Variants in USP46 observed in about 807,000 individuals in gnomAD.
USP46 encodes the protein ubiquitin specific peptidase 46, also known as ubiquitin carboxyl-terminal hydrolase 46.
In USP46, 12 loss-of-function variants were observed where a neutral mutation model predicts 44.4. The observed-to-expected ratio is 0.27, with a 90% CI of 0.17 to 0.44. USP46 has a LOEUF of 0.44. Ranked by LOEUF, USP46 falls within the 20% of genes least tolerant of loss-of-function variation. The pLI, the probability that USP46 is intolerant of heterozygous loss-of-function variation, is 1.00. For synonymous variants in USP46, 155 were observed against 161.5 expected (o/e 0.96, Z 0.31); for missense variants, 248 against 444.8 (o/e 0.56, Z 3.98).
intron 1 of USP46, among the ~76,000 whole-genome samples, chr4:52,655,047 T>C (rs1276160410): frequency 6.6e-6 from 1 of 152,222 alleles, no homozygotes; most frequent in African/African-American, 2.4e-5. Context: ...CTAACTCACA[T>C]TGACTACAAT....
At position 52,592,219 on chromosome 4, in the gene USP46, G is replaced by C. The variant is rs1296953013; in HGVS notation, c.*5421C>G. 6.6e-6 allele frequency: 1 copy of C among 152,158 alleles called. No homozygotes were observed. The highest frequency in any genetic ancestry group is 6.5e-5 in the Admixed American group (1 of 15,274). 9.4% of individuals were successfully genotyped at this position (152,158 alleles called of 1,614,324 possible). ...AGTCCATAAGAGGGACCCAATCTGT[G>C]TCACCTTTTTATCCCCCAGCTCCTA... On this transcript the variant is annotated 3_prime_UTR_variant, in exon 9 of 9. Coordinates refer to ENST00000441222, the MANE Select transcript of USP46 (RefSeq NM_022832.4).
rs1388479464 is a variant in USP46 at position 52,626,374 on chromosome 4, G to A, written c.332-127C>T. ...AGTCTCGCTGTGTCGCCAGGCTAGA[G>A]CGTAGTGGCATGATCTCAGTTCACT... On this transcript the variant is annotated intron_variant, in intron 3 of 8. Transcript: ENST00000441222. The A allele has an allele frequency of 3.9e-6, 3 of 765,776 alleles. No homozygotes were observed. The East Asian group carries it at 8.2e-5, about 21-fold the overall frequency. 47.4% of individuals were successfully genotyped at this position (765,776 alleles called of 1,614,324 possible). A position where few individuals can be genotyped will look rare whatever the true frequency, so the allele number is the denominator to read the frequency against.
intron 1 of USP46, among the ~76,000 whole-genome samples, chr4:52,653,622 T>C (rs1324889132): frequency 1.3e-5 from 2 of 152,122 alleles, no homozygotes; most frequent in African/African-American, 4.8e-5. Flanking sequence ...GAAGGTTTGT[T>C]ATAAGAAGCT....
intron 6 of USP46, among the ~76,000 whole-genome samples, chr4:52,603,030 T>C (rs1238060240): frequency 6.6e-6 from 1 of 152,208 alleles, no homozygotes; most frequent in Non-Finnish European, 1.5e-5. Context: ...TTTTAATGCA[T>C]AGTATGTGAA....
chr4:52,609,258 C>T (rs528211024), intron 5 of USP46, among the ~76,000 whole-genome samples: 1 of 152,288 alleles, frequency 6.6e-6, no homozygotes, highest in Admixed American at 6.5e-5. Flanking sequence ...AAGAAGGTGG[C>T]AGAGATCTTA....
At position 52,651,596 on chromosome 4, in the gene USP46, T is replaced by C. The variant is rs903337067; in HGVS notation, c.36+7519A>G. Among the ~76,000 whole-genome samples the C allele has an allele frequency of 2.6e-5, 4 of 152,340 alleles. No individual in the cohort carries two copies. In the South Asian group the frequency reaches 8.3e-4, roughly 32 times the overall value. On this transcript the variant is annotated intron_variant, in intron 1 of 8. Transcript: ENST00000441222. ...TTCAAGCAGATCCAGATAAAAATTT[T>C]CCTGCACTGTGTACCTAACCTGAAG...
intron 1 of USP46, among the ~76,000 whole-genome samples, chr4:52,641,526 G>A (rs993343729): frequency 6.6e-6 from 1 of 152,186 alleles, no homozygotes; most frequent in African/African-American, 2.4e-5. Context: ...AGGAAAACAA[G>A]TTAGAATTTC....
At chr4:52,624,156 A>C (rs1298352529) in intron 4 of USP46, among the ~76,000 whole-genome samples, 1 of 152,096 alleles carries the variant, frequency 6.6e-6, no homozygotes, top group South Asian at 2.1e-4. Context: ...ACAATCACTG[A>C]TCCTGAATAA....
At chr4:52,602,460 T>C (rs903989902) in intron 6 of USP46, among the ~76,000 whole-genome samples, 2 of 152,218 alleles carry the variant, frequency 1.3e-5, no homozygotes, top group Middle Eastern at 3.2e-3. Flanking sequence ...AGGTAGATGA[T>C]GCCGACTGCT....
intron 1 of USP46, among the ~76,000 whole-genome samples, chr4:52,650,212 A>G (rs1188813712): frequency 1.3e-5 from 2 of 152,246 alleles, no homozygotes; most frequent in Non-Finnish European, 2.9e-5. Context: ...CTGCCCCTAA[A>G]TAAGAGAATG....
chr4:52,595,166 T>C lies in USP46; in HGVS notation c.*2474A>G, dbSNP rs1403303165. Reference sequence around the variant, plus strand: ...CCATTGGAGGGAATACTGCAGAGCCTTTGGGCTATCGCTGACCTCAGAATG... The same window carrying C: ...CCATTGGAGGGAATACTGCAGAGCCCTTGGGCTATCGCTGACCTCAGAATG... On this transcript the variant is annotated 3_prime_UTR_variant, in exon 9 of 9. Coordinates refer to ENST00000441222, the MANE Select transcript of USP46 (RefSeq NM_022832.4). 2.0e-5 allele frequency: 3 copies of C among 152,622 alleles called. No homozygotes were observed. Among genetic ancestry groups the C allele is most frequent in the African/African-American group, 4.8e-5 (2 of 41,464 alleles). 9.5% of individuals were successfully genotyped at this position (152,622 alleles called of 1,614,324 possible). A position where few individuals can be genotyped will look rare whatever the true frequency, so the allele number is the denominator to read the frequency against.
chr4:52,598,349 G>A (rs547264793), intron 8 of USP46, among the ~76,000 whole-genome samples: 4 of 152,274 alleles, frequency 2.6e-5, no homozygotes, highest in African/African-American at 9.6e-5. Context: ...TAAGAAACAA[G>A]ACTTAGACTG....
intron 5 of USP46, among the ~76,000 whole-genome samples, chr4:52,606,591 C>T (rs555839261): frequency 3.3e-5 from 5 of 152,224 alleles, no homozygotes; most frequent in South Asian, 2.1e-4. Flanking sequence ...CAATTATCTC[C>T]GCCTGGCCCC....
At chr4:52,615,865 T>G (rs1005823615) in intron 4 of USP46, among the ~76,000 whole-genome samples, 3 of 152,176 alleles carry the variant, frequency 2.0e-5, no homozygotes, top group Non-Finnish European at 4.4e-5. Context: ...GGCACGTAAA[T>G]TATACCTCAC....
intron 6 of USP46, 43 bp from the exon 7 acceptor site, chr4:52,602,097 A>G (rs1553888762): frequency 4.4e-6 from 7 of 1,577,476 alleles, no homozygotes; most frequent in South Asian, 2.4e-5. Flanking sequence ...CCCAACACCT[A>G]TTAGGGGAAG....
intron 8 of USP46, 115 bp from the exon 9 acceptor site, chr4:52,597,856 C>T: frequency 1.3e-6 from 1 of 774,654 alleles, no homozygotes; most frequent in Non-Finnish European, 2.0e-6. Context: ...GTTATGAAAT[C>T]ATCATTAGGA....
At chr4:52,611,682 T>C (rs1577666504) in intron 4 of USP46, among the ~76,000 whole-genome samples, 1 of 151,232 alleles carries the variant, frequency 6.6e-6, no homozygotes, top group East Asian at 1.9e-4. Context: ...AGGTCAGGAG[T>C]TCAAGACCAG....
intron 1 of USP46, among the ~76,000 whole-genome samples, 170 bp downstream of exon 1, chr4:52,658,945 G>C (rs1319028771): frequency 6.6e-6 from 1 of 151,670 alleles, no homozygotes; most frequent in African/African-American, 2.4e-5. Context: ...ACCCTCCCCG[G>C]CCGCTGAGGT....
At chr4:52,638,002 TAA>T (rs1473777249) in intron 1 of USP46, among the ~76,000 whole-genome samples, 2 of 152,222 alleles carry the variant, frequency 1.3e-5, no homozygotes, top group African/African-American at 4.8e-5. Context: ...ACCCCTAGGT[TAA>T]GTCAGCCTCT....
Sources: allele counts gnomAD v4.1 joint callset (sites outside exome capture counted in the v4.1 genomes callset), GRCh38; gene constraint gnomAD v4.1.1; transcripts MANE v1.5; gene names NCBI Gene and HGNC (gene_info 2026-07-23, HGNC 2026-07-21).